The following OCA2 variants were observed in gnomAD, a reference collection of about 807,000 sequenced individuals.
OCA2 encodes the protein P protein.
OCA2 carries 77 observed loss-of-function variants against 100.2 expected under a neutral mutation model. The ratio of observed to expected loss-of-function variants is 0.77; its 90% CI spans 0.64 to 0.93. The LOEUF (loss-of-function observed/expected upper bound fraction) is 0.93. OCA2 is among the 40% of genes least tolerant of loss of function. The probability of loss-of-function intolerance (pLI) is 0.00; values close to 1 mark genes in which losing one functional copy is unlikely to be tolerated. For synonymous variants in OCA2, 432 were observed against 439.2 expected, an observed-to-expected ratio of 0.98 and a Z score of 0.21; for missense variants, 1,062 against 1,089.1, an observed-to-expected ratio of 0.98 and a Z score of 0.35.
At chr15:28,005,653 C>A (rs1455659100) in intron 9 of OCA2, among the ~76,000 whole-genome samples, 4 of 152,168 alleles carry the variant, frequency 2.6e-5, no homozygotes, top group Non-Finnish European at 5.9e-5. Context: ...CCACTGACCA[C>A]AGCTGGGAGG....
At chr15:27,895,475 T>C (rs1442537236) in intron 19 of OCA2, among the ~76,000 whole-genome samples, 1 of 152,172 alleles carries the variant, frequency 6.6e-6, no homozygotes, top group Non-Finnish European at 1.5e-5. Context: ...ATATGGACAA[T>C]AAAGTCCAGG....
chr15:27,811,197 A>AC (rs2034062255), intron 23 of OCA2, among the ~76,000 whole-genome samples: 1 of 152,068 alleles, frequency 6.6e-6, no homozygotes, highest in Admixed American at 6.6e-5. Flanking sequence ...CCGTAAAAAA[A>AC]AAATGTCTTT....
intron 23 of OCA2, among the ~76,000 whole-genome samples, chr15:27,834,478 C>T (rs532632285): frequency 1.3e-5 from 2 of 152,262 alleles, no homozygotes; most frequent in South Asian, 2.1e-4. Context: ...GTCATTGCAG[C>T]GAACTATTGA....
At chr15:27,809,669 T>C (rs1406853291) in intron 23 of OCA2, among the ~76,000 whole-genome samples, 1 of 152,116 alleles carries the variant, frequency 6.6e-6, no homozygotes, top group Non-Finnish European at 1.5e-5. Flanking sequence ...TTCAATAAAG[T>C]CTCAGGTTAC....
chr15:27,873,048 G>A (rs1268890430), intron 19 of OCA2, among the ~76,000 whole-genome samples: 1 of 152,176 alleles, frequency 6.6e-6, no homozygotes, highest in African/African-American at 2.4e-5. Context: ...GTTGTTAGCC[G>A]ACTTTCATTT....
At chr15:27,811,657 T>C (rs1035672179) in intron 23 of OCA2, among the ~76,000 whole-genome samples, 5 of 152,192 alleles carry the variant, frequency 3.3e-5, no homozygotes, top group Non-Finnish European at 5.9e-5. Context: ...AAGGCTTACC[T>C]TTTTGCCCTC....
rs373317348 is a variant in OCA2 at position 28,059,077 on chromosome 15, A to C, written c.227+22571T>G. Among the ~76,000 whole-genome samples the C allele has an allele frequency of 2.6e-5, 4 of 152,208 alleles. No individual in the cohort carries two copies. The East Asian group carries it at 7.7e-4, about 29-fold the overall frequency. On this transcript the variant is annotated intron_variant, in intron 2 of 23. Coordinates refer to ENST00000354638, the MANE Select transcript of OCA2 (RefSeq NM_000275.3). ...TGCATAGGACATTAGATCACACCAA[A>C]TGCACCTCACTGCTTAGAAGGCGAC...
intron 1 of OCA2, among the ~76,000 whole-genome samples, chr15:28,089,079 A>G (rs921637690): frequency 6.6e-6 from 1 of 152,240 alleles, no homozygotes; most frequent in African/African-American, 2.4e-5. Context: ...CCTTGCTGAG[A>G]AAAAGAATTC....
At chr15:28,078,464 T>G (rs145076723) in intron 2 of OCA2, among the ~76,000 whole-genome samples, 1 of 152,264 alleles carries the variant, frequency 6.6e-6, no homozygotes, top group Non-Finnish European at 1.5e-5. Flanking sequence ...CATGATTAGG[T>G]CACAAAAGAC....
chr15:27,942,370 A>G (rs922302955), intron 18 of OCA2, among the ~76,000 whole-genome samples: 18 of 151,956 alleles, frequency 1.2e-4, no homozygotes, highest in African/African-American at 4.3e-4. Flanking sequence ...GCACCTTGAA[A>G]ATGTTATGCT....
At position 27,993,464 on chromosome 15, in the gene OCA2, T is replaced by C. The variant is rs1318232048; in HGVS notation, c.1045-2817A>G. On this transcript the variant is annotated intron_variant, in intron 9 of 23. Coordinates refer to ENST00000354638, the MANE Select transcript of OCA2 (RefSeq NM_000275.3). ...TTGCTCATTTGTAAAATCAGAAAAC[T>C]GCACTACATACCTCAAGGAGCCCTC... 4.6e-5 allele frequency among the ~76,000 whole-genome samples: 7 copies of C among 152,304 alleles called. No individual in the cohort carries two copies. The East Asian group carries it at 1.2e-3, about 25-fold the overall frequency.
chr15:27,901,701 G>A (rs1238204263), intron 19 of OCA2, among the ~76,000 whole-genome samples: 4 of 152,164 alleles, frequency 2.6e-5, no homozygotes, highest in African/African-American at 9.7e-5. Flanking sequence ...TCAACAAAAG[G>A]GGAAAAGCTG....
the OCA2 span, among the ~76,000 whole-genome samples, chr15:27,744,984 C>T: frequency 2.0e-5 from 3 of 152,130 alleles, no homozygotes; most frequent in African/African-American, 7.2e-5. Context: ...AGTGCAGCAT[C>T]GCATGACAGA....
chr15:27,984,176 C>G (rs1713784486), intron 13 of OCA2, among the ~76,000 whole-genome samples: 1 of 151,848 alleles, frequency 6.6e-6, no homozygotes, highest in Non-Finnish European at 1.5e-5. Flanking sequence ...CTGTATTCAC[C>G]CTACAGATCT....
chr15:27,736,708 C>G, the OCA2 span, among the ~76,000 whole-genome samples: 1 of 152,180 alleles, frequency 6.6e-6, no homozygotes, highest in Non-Finnish European at 1.5e-5. Context: ...GTTCCCACCT[C>G]CTGTAAAATC....
intron 23 of OCA2, among the ~76,000 whole-genome samples, chr15:27,776,973 G>T (rs1418989088): frequency 6.9e-6 from 1 of 144,942 alleles, no homozygotes; most frequent in Non-Finnish European, 1.5e-5. Context: ...GGAGCGTGAG[G>T]TGGGGGGGGG....
Position 27,755,415 on chromosome 15 carries a change from C to A in OCA2, c.2490G>T (p.Val830=). 6.2e-7 allele frequency: 1 copy of A among 1,613,844 alleles called. No homozygotes were observed. The highest frequency in any genetic ancestry group is 2.2e-5 in the East Asian group (1 of 44,866). ...SCTVGMCYLL[V]AHVVVGWN is the part of the protein sequence containing the mutation. ...AATTCCATCCCACCACCACATGAGC[C>A]ACAAGGAGATAACACATCCCAACAG... The change falls in exon 24 of 24, where the codon GTG becomes GTT. Residue 830 remains valine, a synonymous_variant. Coordinates refer to ENST00000354638, the MANE Select transcript of OCA2 (RefSeq NM_000275.3).
intron 2 of OCA2, among the ~76,000 whole-genome samples, chr15:28,051,745 C>T (rs1595882618): frequency 6.6e-6 from 1 of 151,972 alleles, no homozygotes; most frequent in Non-Finnish European, 1.5e-5. Context: ...GTCCCAGCCT[C>T]CAGACCAGGT....
At chr15:28,075,289 G>C (rs1335126806) in intron 2 of OCA2, among the ~76,000 whole-genome samples, 1 of 152,160 alleles carries the variant, frequency 6.6e-6, no homozygotes, top group East Asian at 1.9e-4. Context: ...AAAAAGTTGT[G>C]TTGAGAATAT....
Sources: allele counts gnomAD v4.1 joint callset (sites outside exome capture counted in the v4.1 genomes callset), GRCh38; gene constraint gnomAD v4.1.1; transcripts MANE v1.5; gene names NCBI Gene and HGNC (gene_info 2026-07-23, HGNC 2026-07-21).